The following LRRTM4 variants were observed in gnomAD, a reference collection of about 807,000 sequenced individuals.
LRRTM4 encodes the protein leucine-rich repeat transmembrane neuronal protein 4.
A neutral mutation model predicts 47.6 loss-of-function variants in LRRTM4; 25 were observed. The ratio of observed to expected loss-of-function variants is 0.53; its 90% CI spans 0.38 to 0.73. LRRTM4 has a LOEUF of 0.73. LRRTM4 is among the 30% of genes least tolerant of loss of function. The probability of loss-of-function intolerance (pLI) is 0.00; values close to 1 mark genes in which losing one functional copy is unlikely to be tolerated. For missense variants in LRRTM4, 638 were observed against 713.4 expected (o/e 0.89, Z 1.20); for synonymous variants, 311 against 269.5 (o/e 1.15, Z -1.51).
intron 3 of LRRTM4, among the ~76,000 whole-genome samples, chr2:76,837,028 C>T (rs1376025987): frequency 6.6e-6 from 1 of 152,086 alleles, no homozygotes; most frequent in Non-Finnish European, 1.5e-5. Context: ...CCTTTGGATT[C>T]CTCAGAAGTT....
chr2:77,157,158 C>T (rs1672582494), intron 3 of LRRTM4, among the ~76,000 whole-genome samples: 1 of 152,066 alleles, frequency 6.6e-6, no homozygotes, highest in Admixed American at 6.6e-5. Context: ...CACATTAATG[C>T]ATTAAAAGAG....
chr2:77,287,069 T>C (rs1412692995), intron 3 of LRRTM4, among the ~76,000 whole-genome samples: 1 of 152,000 alleles, frequency 6.6e-6, no homozygotes, highest in Non-Finnish European at 1.5e-5. Flanking sequence ...TAATGATACG[T>C]TCGAGGCCAC....
At chr2:77,027,161 C>A (rs979244376) in intron 3 of LRRTM4, among the ~76,000 whole-genome samples, 1 of 152,066 alleles carries the variant, frequency 6.6e-6, no homozygotes, top group African/African-American at 2.4e-5. Context: ...CACCACTAGA[C>A]ATAAATCTCC....
chr2:76,940,623 A>T, intron 3 of LRRTM4, among the ~76,000 whole-genome samples: 1 of 152,230 alleles, frequency 6.6e-6, no homozygotes, highest in East Asian at 1.9e-4. Flanking sequence ...AGGCACATGT[A>T]CCCCTGAACT....
intron 3 of LRRTM4, among the ~76,000 whole-genome samples, chr2:77,222,414 A>C (rs1266811636): frequency 6.6e-6 from 1 of 152,230 alleles, no homozygotes; most frequent in Non-Finnish European, 1.5e-5. Context: ...CAATGAATCC[A>C]GGAGCTGGTT....
intron 3 of LRRTM4, among the ~76,000 whole-genome samples, chr2:76,895,492 C>G (rs1474237591): frequency 1.3e-5 from 2 of 152,076 alleles, no homozygotes; most frequent in Non-Finnish European, 2.9e-5. Flanking sequence ...CACCAATAGG[C>G]ATAGAACTGC....
chr2:77,070,594 A>G (rs536957752), intron 3 of LRRTM4, among the ~76,000 whole-genome samples: 2 of 151,912 alleles, frequency 1.3e-5, no homozygotes, highest in East Asian at 2.0e-4. Context: ...ATCTTTTTTT[A>G]TAACATTAGG....
At chr2:77,436,314 C>T (rs1040959900) in intron 3 of LRRTM4, among the ~76,000 whole-genome samples, 3 of 152,026 alleles carry the variant, frequency 2.0e-5, no homozygotes, top group South Asian at 4.1e-4. Flanking sequence ...TCTAGCAATG[C>T]TAAGCTAATG....
intron 3 of LRRTM4, among the ~76,000 whole-genome samples, chr2:77,259,196 G>A (rs1474116836): frequency 6.6e-6 from 1 of 151,992 alleles, no homozygotes; most frequent in African/African-American, 2.4e-5. Flanking sequence ...TAAGAATTCA[G>A]TAAACTTAGA....
chr2:77,001,276 T>C lies in LRRTM4; in HGVS notation c.1552-252360A>G, dbSNP rs896289745. Among the ~76,000 whole-genome samples the C allele has an allele frequency of 5.9e-5, 9 of 152,244 alleles. No homozygotes were observed. In the South Asian group the frequency reaches 1.0e-3, roughly 18 times the overall value. ...CTTACTCTCCAGTGTGCCCCAGGCT[T>C]ACCTTGTGAATTCTGATTATTGTTT... On this transcript the variant is annotated intron_variant, in intron 3 of 3. Coordinates refer to ENST00000409884, the MANE Select transcript of LRRTM4 (RefSeq NM_001134745.3).
At chr2:76,983,931 T>C (rs776359202) in intron 3 of LRRTM4, among the ~76,000 whole-genome samples, 24 of 152,216 alleles carry the variant, frequency 1.6e-4, no homozygotes, top group Admixed American at 3.3e-4. Context: ...CTATTTTTCA[T>C]ATACTTTTTT....
At chr2:77,334,667 A>G (rs1671096777) in intron 3 of LRRTM4, among the ~76,000 whole-genome samples, 1 of 152,176 alleles carries the variant, frequency 6.6e-6, no homozygotes, top group Admixed American at 6.5e-5. Flanking sequence ...AGTCTTAGGC[A>G]TGTCTTTATC....
At chr2:76,861,360 A>C (rs1283797871) in intron 3 of LRRTM4, among the ~76,000 whole-genome samples, 1 of 152,294 alleles carries the variant, frequency 6.6e-6, no homozygotes, top group East Asian at 1.9e-4. Flanking sequence ...ATCTTTCTGC[A>C]CATCACCAAT....
intron 3 of LRRTM4, among the ~76,000 whole-genome samples, chr2:77,270,650 C>G (rs1016989603): frequency 1.3e-5 from 2 of 152,208 alleles, no homozygotes; most frequent in Non-Finnish European, 2.9e-5. Context: ...CTCACCCTCT[C>G]TTATGATAGT....
chr2:76,912,553 G>C (rs1332875565), intron 3 of LRRTM4, among the ~76,000 whole-genome samples: 5 of 152,174 alleles, frequency 3.3e-5, no homozygotes, highest in Non-Finnish European at 7.3e-5. Context: ...TAGAGACAAT[G>C]TCATTTACAA....
chr2:77,117,368 C>A (rs1002177137), intron 3 of LRRTM4, among the ~76,000 whole-genome samples: 1 of 151,798 alleles, frequency 6.6e-6, no homozygotes, highest in African/African-American at 2.4e-5. Flanking sequence ...TAAATATTAT[C>A]TCTTACATGT....
At chr2:77,006,849 C>CAG (rs1190594822) in intron 3 of LRRTM4, among the ~76,000 whole-genome samples, 1 of 152,082 alleles carries the variant, frequency 6.6e-6, no homozygotes, top group African/African-American at 2.4e-5. Flanking sequence ...GAGTAGAGGT[C>CAG]AGAGCAGACC....
intron 3 of LRRTM4, among the ~76,000 whole-genome samples, chr2:76,879,979 A>G (rs1672882985): frequency 6.6e-6 from 1 of 152,266 alleles, no homozygotes; most frequent in Non-Finnish European, 1.5e-5. Context: ...GCATTGCTGC[A>G]ATCTCATAAT....
intron 3 of LRRTM4, among the ~76,000 whole-genome samples, chr2:77,057,010 G>T (rs533994814): frequency 1.3e-5 from 2 of 152,284 alleles, no homozygotes; most frequent in African/African-American, 4.8e-5. Context: ...TGGTAACATA[G>T]CCATGACTAT....
Sources: allele counts gnomAD v4.1 joint callset (sites outside exome capture counted in the v4.1 genomes callset), GRCh38; gene constraint gnomAD v4.1.1; transcripts MANE v1.5; gene names NCBI Gene and HGNC (gene_info 2026-07-23, HGNC 2026-07-21).